MR1: variants seen among roughly 807,000 people sequenced by gnomAD.
MR1 encodes the protein major histocompatibility complex class I-related protein 1.
A neutral mutation model predicts 37.8 loss-of-function variants in MR1; 44 were observed. The ratio of observed to expected loss-of-function variants is 1.16; its 90% CI spans 0.91 to 1.50. The LOEUF (loss-of-function observed/expected upper bound fraction) is 1.50. Among genes scored for constraint, MR1 ranks in the 40% most tolerant of loss-of-function variants. The pLI is 0.00. For missense variants in MR1, 386 were observed against 419.1 expected, an observed-to-expected ratio of 0.92 and a Z score of 0.69; for synonymous variants, 153 against 155.8, an observed-to-expected ratio of 0.98 and a Z score of 0.13.
chr1:181,044,348 AT>A (rs1657741971), intron 1 of MR1, among the ~76,000 whole-genome samples: 1 of 152,210 alleles, frequency 6.6e-6, no homozygotes. Flanking sequence ...AAGATTCTCT[AT>A]AGTGGCAAGG....
At position 181,055,211 on chromosome 1, in the gene MR1, C is replaced by T. The variant is rs1262608782; in HGVS notation, c.986-14C>T. ...ACATTCTTGTAATCTGACTAAAAAC[C>T]CCTTTCCTTTCAGAGCAAAATGGAG... is the stretch of plus-strand genomic sequence containing the variant. On this transcript the variant is annotated splice_polypyrimidine_tract_variant and intron_variant, in intron 5 of 5. Coordinates refer to ENST00000367580, the MANE Select transcript of MR1 (RefSeq NM_001385161.1). 8 of 1,612,982 alleles carry T rather than the reference C, an allele frequency of 5.0e-6. No individual in the cohort carries two copies. The highest frequency in any genetic ancestry group is 1.6e-4 in the Middle Eastern group (1 of 6,082).
intron 1 of MR1, among the ~76,000 whole-genome samples, chr1:181,035,875 A>C (rs1432963434): frequency 6.6e-6 from 1 of 152,132 alleles, no homozygotes; most frequent in Admixed American, 6.6e-5. Flanking sequence ...GAAATAAAAC[A>C]AGTAAGTTAT....
rs533265191 is a variant in MR1, at chr1:181,046,733, A to T, written c.68-2319A>T. Among the ~76,000 whole-genome samples the T allele has an allele frequency of 3.3e-5, 5 of 151,794 alleles. No homozygotes were observed. In the South Asian group the frequency reaches 1.0e-3, roughly 32 times the overall value. On this transcript the variant is annotated intron_variant, in intron 1 of 5. Coordinates refer to ENST00000367580, the MANE Select transcript of MR1 (RefSeq NM_001385161.1). Reference sequence around the variant, plus strand: ...TTTGCAATAAATCCTGCTGCTGCTCACTCTTTGGGTCCACACTGCCTTTAT... The same window carrying T: ...TTTGCAATAAATCCTGCTGCTGCTCTCTCTTTGGGTCCACACTGCCTTTAT...
rs747403050 is a variant in MR1 at position 181,049,184 on chromosome 1, C to T, written c.200C>T (p.Pro67Leu). ...GACAGTGTCACTCGGCAGAAGGAGC[C>T]ACGGGCCCCATGGATGGCAGAGAAC... The part of the protein sequence containing the change: ...TYDSVTRQKE[P>L]RAPWMAENLA... Residue 67 changes from proline to leucine, a missense_variant, in exon 2 of 6, where the codon CCA becomes CTA. Coordinates refer to ENST00000367580, the MANE Select transcript of MR1 (RefSeq NM_001385161.1). 10 of 1,614,092 alleles carry T rather than the reference C, an allele frequency of 6.2e-6. No individual in the cohort carries two copies. Among genetic ancestry groups the T allele is most frequent in the South Asian group, 1.1e-5 (1 of 91,088 alleles).
Position 181,052,319 on chromosome 1 carries a change from C to A in MR1, c.689C>A (p.Pro230Gln), listed in dbSNP as rs1021764970. ...LFCKAHGFYP[P>Q]EIYMTWMKNG... ...TGCAAAGCTCATGGCTTTTACCCCC[C>A]AGAAATTTACATGACATGGATGAAA... Residue 230 changes from proline (P) to glutamine (Q), a missense_variant, in exon 4 of 6, where the codon CCA (proline) becomes CAA (glutamine). By Grantham distance (76) the Pro-to-Gln change is moderately conservative. Coordinates refer to ENST00000367580, the MANE Select transcript of MR1 (RefSeq NM_001385161.1). The A allele has an allele frequency of 1.2e-6, 2 of 1,614,174 alleles. No homozygotes were observed. Among genetic ancestry groups the A allele is most frequent in the Admixed American group, 3.3e-5 (2 of 60,018 alleles).
rs1222259560 is a variant in MR1 at position 181,060,319 on chromosome 1, T to A, written c.*5054T>A. The A allele has an allele frequency of 6.6e-6, 1 of 152,192 alleles. No individual in the cohort carries two copies. The highest frequency in any genetic ancestry group is 1.5e-5 in the Non-Finnish European group (1 of 68,032). The allele number at this position is 152,192 out of a possible 1,614,324, so 9.4% of individuals were successfully genotyped here. ...TCCCAAATTACATCTGCAACAACCC[T>A]ATTTCCAAAGAAGGCCACATTCTGA... On this transcript the variant is annotated 3_prime_UTR_variant, in exon 6 of 6. Coordinates refer to ENST00000367580, the MANE Select transcript of MR1 (RefSeq NM_001385161.1).
intron 1 of MR1, 29 bp downstream of exon 1, chr1:181,034,103 A>G (rs759122429): frequency 1.1e-5 from 17 of 1,600,904 alleles, no homozygotes; most frequent in Middle Eastern, 1.7e-4. Flanking sequence ...CTTCTCTCCT[A>G]ACTCCAAAGT....
Position 181,053,882 on chromosome 1 carries a change from T to C in MR1, c.985+205T>C, listed in dbSNP as rs548908228. Among the ~76,000 whole-genome samples the C allele has an allele frequency of 5.9e-4, 90 of 152,328 alleles. 2 individuals carry two copies. The highest frequency in any genetic ancestry group is 1.7e-3 in the Admixed American group (26 of 15,300). On this transcript the variant is annotated intron_variant, in intron 5 of 5. Transcript: ENST00000367580. Reference sequence around the variant, plus strand: ...TTACAGGGAGAGTGGTCTCTTTTCATAGGTGATGCCTGACATCAACAAACT... The same window carrying C: ...TTACAGGGAGAGTGGTCTCTTTTCACAGGTGATGCCTGACATCAACAAACT...
rs185412389 is a variant in MR1, at chr1:181,060,784, G to T, written c.*5519G>T. 39 of 152,346 alleles carry T rather than the reference G, an allele frequency of 2.6e-4. No individual in the cohort carries two copies. Among genetic ancestry groups the T allele is most frequent in the East Asian group, 7.7e-4 (4 of 5,186 alleles). The allele number at this position is 152,346 out of a possible 1,614,324, so 9.4% of individuals were successfully genotyped here. Reference sequence around the variant, plus strand: ...TATTTGCCCACCAGCTTCTCCTCTGGAGCCTGAGGCTTCTGATGCCTGCCT... The same window carrying T: ...TATTTGCCCACCAGCTTCTCCTCTGTAGCCTGAGGCTTCTGATGCCTGCCT... On this transcript the variant is annotated 3_prime_UTR_variant, in exon 6 of 6. Transcript: ENST00000367580.
chr1:181,052,523 A>G lies in MR1; in HGVS notation c.880+13A>G, dbSNP rs760348743. 3.1e-6 allele frequency: 5 copies of G among 1,607,498 alleles called. No individual in the cohort carries two copies. Among genetic ancestry groups the G allele is most frequent in the Non-Finnish European group, 4.3e-6 (5 of 1,175,018 alleles). ...CAGGTCCCCCAGGGTAAGGACGGGG[A>G]TCGTGGCTGTCTAGGGAGAGAGCCT... On this transcript the variant is annotated intron_variant, in intron 4 of 5. Coordinates refer to ENST00000367580, the MANE Select transcript of MR1 (RefSeq NM_001385161.1).
At chr1:181,044,140 T>C (rs1187437674) in intron 1 of MR1, among the ~76,000 whole-genome samples, 2 of 152,068 alleles carry the variant, frequency 1.3e-5, no homozygotes, top group African/African-American at 4.8e-5. Flanking sequence ...ATTTTTTGTA[T>C]TTTTAGTAGA....
rs1357640523 is a variant in MR1, at chr1:181,061,220, G to A, written c.*5955G>A. On this transcript the variant is annotated 3_prime_UTR_variant, in exon 6 of 6. Coordinates refer to ENST00000367580, the MANE Select transcript of MR1 (RefSeq NM_001385161.1). ...ATGATGGCCATTTGTTCTGTTTCTG[G>A]TTTGTGAACCAACTGAAGACATAAG... 2 of 152,232 alleles carry A rather than the reference G, an allele frequency of 1.3e-5. No individual in the cohort carries two copies. Among genetic ancestry groups the A allele is most frequent in the Admixed American group, 6.5e-5 (1 of 15,288 alleles). 9.4% of individuals were successfully genotyped at this position (152,232 alleles called of 1,614,324 possible).
At chr1:181,048,509 T>C (rs960858643) in intron 1 of MR1, among the ~76,000 whole-genome samples, 2 of 150,864 alleles carry the variant, frequency 1.3e-5, no homozygotes, top group African/African-American at 4.9e-5. Context: ...CACTCCAGCC[T>C]GGGCAACAGA....
At position 181,058,618 on chromosome 1, in the gene MR1, G is replaced by A. The variant is rs942211246; in HGVS notation, c.*3353G>A. ...ACTTGGTTTCTCCTCTTCTTTTTTT[G>A]GCCTGAGAGAAGATGTTTTTGCACT... On this transcript the variant is annotated 3_prime_UTR_variant, in exon 6 of 6. Transcript: ENST00000367580. 1 of 151,656 alleles carries A rather than the reference G, an allele frequency of 6.6e-6. No homozygotes were observed. The highest frequency in any genetic ancestry group is 2.4e-5 in the African/African-American group (1 of 41,262). 9.4% of individuals were successfully genotyped at this position (151,656 alleles called of 1,614,324 possible). A position where few individuals can be genotyped will look rare whatever the true frequency, so the allele number is the denominator to read the frequency against.
intron 1 of MR1, among the ~76,000 whole-genome samples, chr1:181,044,510 C>T (rs1274044143): frequency 1.3e-5 from 2 of 152,154 alleles, no homozygotes; most frequent in African/African-American, 2.4e-5. Context: ...ATTCAGAGAG[C>T]CCCACTCTGG....
chr1:181,057,684 T>C lies in MR1; in HGVS notation c.*2419T>C, dbSNP rs1402903138. On this transcript the variant is annotated 3_prime_UTR_variant, in exon 6 of 6. Coordinates refer to ENST00000367580, the MANE Select transcript of MR1 (RefSeq NM_001385161.1). ...TGTTTCTTCCTGGGGGATTTTATAATACTAAAAGAATCATAATATAAAGAG... is the reference window on the plus strand; with the variant it reads ...TGTTTCTTCCTGGGGGATTTTATAACACTAAAAGAATCATAATATAAAGAG... The C allele has an allele frequency of 2.0e-5, 3 of 152,046 alleles. No homozygotes were observed. Among genetic ancestry groups the C allele is most frequent in the Non-Finnish European group, 4.4e-5 (3 of 68,004 alleles). 9.4% of individuals were successfully genotyped at this position (152,046 alleles called of 1,614,324 possible).
At position 181,061,759 on chromosome 1, in the gene MR1, G is replaced by A. The variant is rs1365613244; in HGVS notation, c.*6494G>A. On this transcript the variant is annotated 3_prime_UTR_variant, in exon 6 of 6. Coordinates refer to ENST00000367580, the MANE Select transcript of MR1 (RefSeq NM_001385161.1). Reference sequence around the variant, plus strand: ...AGTATTTTAATTAGCTAGTCTTCATGTACTGGTACAAAAGAACAGTGTCAT... The same window carrying A: ...AGTATTTTAATTAGCTAGTCTTCATATACTGGTACAAAAGAACAGTGTCAT... 6.6e-6 allele frequency: 1 copy of A among 152,178 alleles called. No individual in the cohort carries two copies. Among genetic ancestry groups the A allele is most frequent in the African/African-American group, 2.4e-5 (1 of 41,448 alleles). 9.4% of individuals were successfully genotyped at this position (152,178 alleles called of 1,614,324 possible). A position where few individuals can be genotyped will look rare whatever the true frequency, so the allele number is the denominator to read the frequency against.
intron 5 of MR1, among the ~76,000 whole-genome samples, chr1:181,053,889 T>G (rs927462996): frequency 3.9e-5 from 6 of 152,240 alleles, no homozygotes; most frequent in Non-Finnish European, 7.3e-5. Context: ...TCATAGGTGA[T>G]GCCTGACATC....
Position 181,049,106 on chromosome 1 carries a change from T to A in MR1, c.122T>A (p.Val41Asp), listed in dbSNP as rs748756797. The change falls in exon 2 of 6, where the codon GTC (valine) becomes GAC (aspartate). Residue 41 changes from valine to aspartate, a missense_variant. By Grantham distance (152) the Val-to-Asp change is radical. Transcript: ENST00000367580. ...GGCGTTTCGGATCCCATCCATGGGGTCCCTGAATTTATTTCGGTTGGGTAC... is the reference window on the plus strand; with the variant it reads ...GGCGTTTCGGATCCCATCCATGGGGACCCTGAATTTATTTCGGTTGGGTAC... ...RLGVSDPIHGVPEFISVGYVD... is the reference protein window; with the variant it reads ...RLGVSDPIHGDPEFISVGYVD... 1 of 1,613,922 alleles carries A rather than the reference T, an allele frequency of 6.2e-7. No homozygotes were observed. Among genetic ancestry groups the A allele is most frequent in the African/African-American group, 1.3e-5 (1 of 74,908 alleles).
Sources: allele counts gnomAD v4.1 joint callset (sites outside exome capture counted in the v4.1 genomes callset), GRCh38; gene constraint gnomAD v4.1.1; transcripts MANE v1.5; gene names NCBI Gene and HGNC (gene_info 2026-07-23, HGNC 2026-07-21).